The following CTDSP2 variants were observed in gnomAD, a reference collection of about 807,000 sequenced individuals.
CTDSP2 encodes carboxy-terminal domain RNA polymerase II polypeptide A small phosphatase 2.
CTDSP2 carries 9 observed loss-of-function variants against 31.6 expected under a neutral mutation model. The observed-to-expected ratio is 0.28, with a 90% confidence interval of 0.17 to 0.50. CTDSP2 has a LOEUF of 0.50. Ranked by LOEUF, CTDSP2 falls within the 20% of genes least tolerant of loss-of-function variation. The probability of loss-of-function intolerance (pLI) is 0.98; values close to 1 mark genes in which losing one functional copy is unlikely to be tolerated. For synonymous variants in CTDSP2, 134 were observed against 134.5 expected (o/e 1.00, Z 0.03); for missense variants, 267 against 348.5 (o/e 0.77, Z 1.86).
chr12:57,831,843 AC>A (rs1956217704), intron 1 of CTDSP2, among the ~76,000 whole-genome samples: 1 of 152,214 alleles, frequency 6.6e-6, no homozygotes, highest in Non-Finnish European at 1.5e-5. Context: ...GGTAGGGGCT[AC>A]CTAGGAGCAA....
chr12:57,839,525 TG>T (rs1170289684), intron 1 of CTDSP2, among the ~76,000 whole-genome samples: 1 of 152,132 alleles, frequency 6.6e-6, no homozygotes, highest in Non-Finnish European at 1.5e-5. Context: ...AAGACCATCC[TG>T]GCTAACACAG....
Position 57,846,441 on chromosome 12 carries a change from A to G in CTDSP2, c.-6T>C. 6.3e-7 allele frequency: 1 copy of G among 1,590,716 alleles called. No homozygotes were observed. The highest frequency in any genetic ancestry group is 8.5e-7 in the Non-Finnish European group (1 of 1,169,600). On this transcript the variant is annotated 5_prime_UTR_variant, in exon 1 of 8. Coordinates refer to ENST00000398073, the MANE Select transcript of CTDSP2 (RefSeq NM_005730.4). ...ATGATGGAGCCGTGTTCCATCTAAC[A>G]ATCCCGCGGGCCCGGGCTGGCTGGG...
chr12:57,829,387 G>T, intron 2 of CTDSP2, 61 bp downstream of exon 2: 2 of 1,572,734 alleles, frequency 1.3e-6, no homozygotes, highest in South Asian at 1.1e-5. Flanking sequence ...GCCATCGTCT[G>T]CAGGGATCTC....
chr12:57,834,460 G>A (rs1222758302), intron 1 of CTDSP2, among the ~76,000 whole-genome samples: 3 of 152,190 alleles, frequency 2.0e-5, no homozygotes, highest in Non-Finnish European at 4.4e-5. Flanking sequence ...TTCCACTCCA[G>A]GGAATCCACC....
At chr12:57,825,735 G>C (rs540405573) in intron 5 of CTDSP2, among the ~76,000 whole-genome samples, 3 of 152,320 alleles carry the variant, frequency 2.0e-5, no homozygotes, top group South Asian at 4.2e-4. Flanking sequence ...TACATTGACA[G>C]ACACACACTG....
chr12:57,827,425 A>G, intron 3 of CTDSP2, 127 bp downstream of exon 3: 1 of 1,032,824 alleles, frequency 9.7e-7, no homozygotes, highest in East Asian at 2.5e-5. Context: ...ATGGGGAACA[A>G]ATGGCTTCCC....
At chr12:57,838,794 A>G (rs1956263334) in intron 1 of CTDSP2, among the ~76,000 whole-genome samples, 1 of 152,194 alleles carries the variant, frequency 6.6e-6, no homozygotes, top group South Asian at 2.1e-4. Context: ...AAATGGGAAG[A>G]CTACCTATTT....
At chr12:57,833,220 G>T (rs1294392613) in intron 1 of CTDSP2, among the ~76,000 whole-genome samples, 1 of 152,352 alleles carries the variant, frequency 6.6e-6, no homozygotes, top group African/African-American at 2.4e-5. Context: ...GCATGGAAAG[G>T]CCTGGCTTGC....
At chr12:57,836,642 T>A (rs865877640) in intron 1 of CTDSP2, among the ~76,000 whole-genome samples, 7 of 146,668 alleles carry the variant, frequency 4.8e-5, no homozygotes, top group African/African-American at 7.5e-5. Flanking sequence ...ATTTTGTCTT[T>A]AAAAAAAAAA....
Position 57,821,656 on chromosome 12 carries a change from T to G in CTDSP2, c.*1946A>C, listed in dbSNP as rs183733953. ...CCGAAGCCACAGCTGGCTCTAAGAGTCTGAGCTCCTGCTTTCCTTCAAGAG... is the reference window on the plus strand; with the variant it reads ...CCGAAGCCACAGCTGGCTCTAAGAGGCTGAGCTCCTGCTTTCCTTCAAGAG... On this transcript the variant is annotated 3_prime_UTR_variant, in exon 8 of 8. Coordinates refer to ENST00000398073, the MANE Select transcript of CTDSP2 (RefSeq NM_005730.4). 1 of 152,122 alleles carries G rather than the reference T, an allele frequency of 6.6e-6. No homozygotes were observed. The highest frequency in any genetic ancestry group is 1.9e-4 in the East Asian group (1 of 5,172). The allele number at this position is 152,122 out of a possible 1,614,324, so 9.4% of individuals were successfully genotyped here.
At chr12:57,834,856 C>T (rs970947109) in intron 1 of CTDSP2, among the ~76,000 whole-genome samples, 5 of 152,200 alleles carry the variant, frequency 3.3e-5, no homozygotes, top group Non-Finnish European at 5.9e-5. Flanking sequence ...GGCATGGTGG[C>T]TCATGCCTGT....
At chr12:57,840,324 G>A (rs1038098957) in intron 1 of CTDSP2, among the ~76,000 whole-genome samples, 1 of 152,220 alleles carries the variant, frequency 6.6e-6, no homozygotes, top group African/African-American at 2.4e-5. Context: ...CTAACCCAGG[G>A]CTAGAAGGCA....
chr12:57,842,672 G>A (rs999866742), intron 1 of CTDSP2: 4 of 152,304 alleles, frequency 2.6e-5, no homozygotes, highest in African/African-American at 9.7e-5. Flanking sequence ...GATGCAGGAG[G>A]GAGCCTCAGC....
intron 1 of CTDSP2, among the ~76,000 whole-genome samples, chr12:57,836,493 T>C (rs567603241): frequency 1.3e-5 from 2 of 152,112 alleles, no homozygotes; most frequent in Admixed American, 1.3e-4. Flanking sequence ...AATCCTGTTC[T>C]ACCAAAAAAA....
intron 1 of CTDSP2, among the ~76,000 whole-genome samples, chr12:57,839,553 C>T (rs1417775917): frequency 6.6e-6 from 1 of 152,098 alleles, no homozygotes; most frequent in African/African-American, 2.4e-5. Flanking sequence ...CGCGTCTCTA[C>T]TAAAAATACA....
Position 57,827,561 on chromosome 12 carries a change from C to A in CTDSP2, c.243G>T (p.Gln81His). 6.2e-7 allele frequency: 1 copy of A among 1,614,070 alleles called. No individual in the cohort carries two copies. Among genetic ancestry groups the A allele is most frequent in the Non-Finnish European group, 8.5e-7 (1 of 1,179,996 alleles). The stretch of plus-strand genomic sequence containing the variant: ...GGCCAGAGTCACGTACCTGGTAGAA[C>A]TGGTACTGGAGACACTGGAGCAGAT... ...KSDLLQCLQY[Q>H]FYQIPGTCLL... Residue 81 changes from glutamine to histidine, a missense_variant, in exon 3 of 8, where the codon CAG becomes CAT. Gln to His is a conservative substitution (Grantham distance 24). Around this residue, in one of 2 missense-constraint regions of CTDSP2, gnomAD observed 111 missense variants for 107.1 expected, o/e 1.04. Coordinates refer to ENST00000398073, the MANE Select transcript of CTDSP2 (RefSeq NM_005730.4).
At chr12:57,841,896 A>G (rs968423351) in intron 1 of CTDSP2, among the ~76,000 whole-genome samples, 3 of 152,240 alleles carry the variant, frequency 2.0e-5, no homozygotes, top group Non-Finnish European at 2.9e-5. Context: ...TACTTTATAG[A>G]TAAGTTACTC....
At chr12:57,840,430 T>G (rs1217042074) in intron 1 of CTDSP2, among the ~76,000 whole-genome samples, 1 of 152,198 alleles carries the variant, frequency 6.6e-6, no homozygotes, top group African/African-American at 2.4e-5. Context: ...GATCCAGTTT[T>G]CTTCTCTAGG....
chr12:57,829,710 T>C, intron 1 of CTDSP2, 114 bp from the exon 2 acceptor site: 1 of 857,458 alleles, frequency 1.2e-6, no homozygotes, highest in South Asian at 1.6e-5. Context: ...GCACACAGTA[T>C]ACGGCTGGTG....
Sources: allele counts gnomAD v4.1 joint callset (sites outside exome capture counted in the v4.1 genomes callset), GRCh38; gene constraint gnomAD v4.1.1; regional missense constraint gnomAD v4.1.1; transcripts MANE v1.5; gene names NCBI Gene and HGNC (gene_info 2026-07-23, HGNC 2026-07-21).